Variants in URI1 observed in about 807,000 individuals in gnomAD.
URI1 encodes the protein URI1 prefoldin like chaperone.
In URI1, 39 loss-of-function variants were observed where a neutral mutation model predicts 60.2. That is an observed-to-expected ratio of 0.65 (90% CI 0.50 to 0.85). The LOEUF is 0.85. Ranked by LOEUF, URI1 falls within the 40% of genes least tolerant of loss-of-function variation. The pLI, the probability that URI1 is intolerant of heterozygous loss-of-function variation, is 0.00. For synonymous variants in URI1, 251 were observed against 236.8 expected, an observed-to-expected ratio of 1.06 and a Z score of -0.55; for missense variants, 691 against 665.9, an observed-to-expected ratio of 1.04 and a Z score of -0.42.
chr19:29,938,907 A>G (rs1222043639), upstream of URI1, among the ~76,000 whole-genome samples: 1 of 150,650 alleles, frequency 6.6e-6, no homozygotes, highest in Non-Finnish European at 1.5e-5. Flanking sequence ...CGATCTCCTG[A>G]CCTCAGGATC....
rs538484863 is a variant in URI1 at position 30,015,723 on chromosome 19, A to G, written c.*654A>G. On this transcript the variant is annotated 3_prime_UTR_variant, in exon 11 of 11. Coordinates refer to ENST00000392271, the MANE Select transcript of URI1 (RefSeq NM_003796.3). ...TGGTCTCAAAAATGTTGTGAACTTT[A>G]TGATTCAAAATTGAGTACAGATATG... is the stretch of plus-strand genomic sequence containing the variant. 248 of 773,020 alleles carry G rather than the reference A, an allele frequency of 3.2e-4. 3 individuals carry two copies. The African/African-American group carries it at 4.1e-3, about 13-fold the overall frequency. The allele number at this position is 773,020 out of a possible 1,614,324, so 47.9% of individuals were successfully genotyped here.
intron 1 of URI1, among the ~76,000 whole-genome samples, chr19:29,955,036 G>A (rs1406496434): frequency 6.7e-6 from 1 of 149,736 alleles, no homozygotes; most frequent in African/African-American, 2.5e-5. Flanking sequence ...ATGGAGTCTC[G>A]CTCTGTTGCT....
intron 1 of URI1, among the ~76,000 whole-genome samples, chr19:29,942,911 C>T (rs1487035412): frequency 6.6e-6 from 1 of 152,184 alleles, no homozygotes; most frequent in Non-Finnish European, 1.5e-5. Flanking sequence ...TGCGGCAGCG[C>T]GTGGGAATTT....
chr19:29,956,657 C>T (rs1295989184), intron 1 of URI1: 2 of 1,531,656 alleles, frequency 1.3e-6, no homozygotes, highest in Admixed American at 1.7e-5. Context: ...CGGATTTCAA[C>T]AAGAGACCCA....
At chr19:29,953,984 A>G (rs963340643) in intron 1 of URI1, among the ~76,000 whole-genome samples, 5 of 152,210 alleles carry the variant, frequency 3.3e-5, no homozygotes, top group East Asian at 1.9e-4. Flanking sequence ...AAAAAATAAA[A>G]CTGGGTTCAA....
At chr19:29,951,572 C>CAA (rs1330574737) in intron 1 of URI1, among the ~76,000 whole-genome samples, 4 of 147,802 alleles carry the variant, frequency 2.7e-5, no homozygotes, top group African/African-American at 1.0e-4. Flanking sequence ...TTTTTTGAGA[C>CAA]AGAGTTTCTT....
intron 3 of URI1, 107 bp downstream of exon 3, chr19:29,985,408 A>G (rs2055656171): frequency 3.7e-6 from 3 of 819,660 alleles, no homozygotes; most frequent in African/African-American, 3.5e-5. Context: ...CAAGGTAACT[A>G]TGTAGCAAGG....
intron 4 of URI1, among the ~76,000 whole-genome samples, chr19:29,997,460 T>A (rs2055826326): frequency 6.6e-6 from 1 of 152,234 alleles, no homozygotes; most frequent in South Asian, 2.1e-4. Context: ...TAATAAAGAT[T>A]TGTCAATTTT....
intron 4 of URI1, among the ~76,000 whole-genome samples, chr19:29,998,995 C>T (rs1415787791): frequency 6.6e-6 from 1 of 151,734 alleles, no homozygotes; most frequent in African/African-American, 2.4e-5. Flanking sequence ...GTTACCATGG[C>T]GATTACATAG....
chr19:29,950,532 G>A (rs1004028657), intron 1 of URI1, among the ~76,000 whole-genome samples: 4 of 152,078 alleles, frequency 2.6e-5, no homozygotes, highest in African/African-American at 9.7e-5. Flanking sequence ...TTAGCATTTT[G>A]TCCTATTTGC....
Position 30,011,620 on chromosome 19 carries a change from T to C in URI1, c.1178+384T>C, listed in dbSNP as rs1021312228. Among the ~76,000 whole-genome samples the C allele has an allele frequency of 3.9e-5, 5 of 128,708 alleles. No individual in the cohort carries two copies. The East Asian group carries it at 1.0e-3, about 27-fold the overall frequency. The allele number at this position is 128,708 out of a possible 152,430, so 84.4% of individuals were successfully genotyped here. A position where few individuals can be genotyped will look rare whatever the true frequency, so the allele number is the denominator to read the frequency against. Reference sequence around the variant, plus strand: ...AGAGTAGAAATTATACTGTTGCAGGTTTTTTTTTTTTTTCCTTTTTTTTGG... The same window carrying C: ...AGAGTAGAAATTATACTGTTGCAGGCTTTTTTTTTTTTTCCTTTTTTTTGG... On this transcript the variant is annotated intron_variant, in intron 9 of 10. Coordinates refer to ENST00000392271, the MANE Select transcript of URI1 (RefSeq NM_003796.3).
chr19:30,015,295 T>G lies in URI1; in HGVS notation c.*226T>G. The G allele has an allele frequency of 7.1e-7, 1 of 1,417,672 alleles. No homozygotes were observed. The highest frequency in any genetic ancestry group is 1.6e-5 in the South Asian group (1 of 60,752). The allele number at this position is 1,417,672 out of a possible 1,614,324, so 87.8% of individuals were successfully genotyped here. ...AATTCTCTGAATACTGTCAACACTCTTATCTAAGTTTGCCTTTATGATGCA... is the reference window on the plus strand; with the variant it reads ...AATTCTCTGAATACTGTCAACACTCGTATCTAAGTTTGCCTTTATGATGCA... On this transcript the variant is annotated 3_prime_UTR_variant, in exon 11 of 11. Coordinates refer to ENST00000392271, the MANE Select transcript of URI1 (RefSeq NM_003796.3).
At chr19:29,996,370 CT>C (rs1250228442) in intron 4 of URI1, among the ~76,000 whole-genome samples, 9 of 151,932 alleles carry the variant, frequency 5.9e-5, no homozygotes. Context: ...TACAAATTTC[CT>C]TTTTAGATTG....
At chr19:29,956,264 C>T (rs931410002) in intron 1 of URI1, 26 of 685,316 alleles carry the variant, frequency 3.8e-5, no homozygotes, top group Middle Eastern at 4.7e-4. Flanking sequence ...GCATGAGCCA[C>T]GGCGCCTGGC....
chr19:29,983,189 A>T (rs867358099), intron 2 of URI1: 4 of 152,188 alleles, frequency 2.6e-5, no homozygotes, highest in Non-Finnish European at 4.4e-5. Context: ...AGAAAATGAG[A>T]AAGCTTTCAT....
rs985779438 is a variant in URI1, at chr19:29,971,175, T to A, written c.118-18T>A. 6.2e-7 allele frequency: 1 copy of A among 1,611,930 alleles called. No homozygotes were observed. The highest frequency in any genetic ancestry group is 8.5e-7 in the Non-Finnish European group (1 of 1,178,960). Reference sequence around the variant, plus strand: ...ATAGCTCTGTTTTTTCATGAGTAGTTATCTGTTTTCATGACAGGTGGTCAC... The same window carrying A: ...ATAGCTCTGTTTTTTCATGAGTAGTAATCTGTTTTCATGACAGGTGGTCAC... On this transcript the variant is annotated intron_variant, in intron 1 of 10. Coordinates refer to ENST00000392271, the MANE Select transcript of URI1 (RefSeq NM_003796.3).
At chr19:29,935,698 G>C (rs2054963118) in intron 1 of URI1, among the ~76,000 whole-genome samples, 1 of 126,942 alleles carries the variant, frequency 7.9e-6, no homozygotes, top group African/African-American at 3.3e-5. Context: ...TTGGTTGACA[G>C]TCTTTTTTTT....
chr19:29,929,956 T>C (rs1478006985), intron 1 of URI1, among the ~76,000 whole-genome samples: 1 of 151,130 alleles, frequency 6.6e-6, no homozygotes, highest in African/African-American at 2.5e-5. Context: ...TTTTTTTTTT[T>C]TGAGACTGAG....
intron 1 of URI1, among the ~76,000 whole-genome samples, chr19:29,930,258 T>G (rs2054905270): frequency 6.6e-6 from 1 of 152,144 alleles, no homozygotes; most frequent in Non-Finnish European, 1.5e-5. Context: ...CTTTGATGCA[T>G]AAAAGTTTTT....
Sources: allele counts gnomAD v4.1 joint callset (sites outside exome capture counted in the v4.1 genomes callset), GRCh38; gene constraint gnomAD v4.1.1; transcripts MANE v1.5; gene names NCBI Gene and HGNC (gene_info 2026-07-23, HGNC 2026-07-21).